Variants in PTPRN2 observed in about 807,000 individuals in gnomAD.
PTPRN2 encodes receptor-type tyrosine-protein phosphatase N2.
Under a neutral mutation model 118.8 loss-of-function variants are expected in PTPRN2, and 74 were observed. The ratio of observed to expected loss-of-function variants is 0.62; its 90% CI spans 0.52 to 0.76. PTPRN2 has a LOEUF of 0.76. Ranked by LOEUF, PTPRN2 falls within the 30% of genes least tolerant of loss-of-function variation. PTPRN2 has a pLI of 0.00. For synonymous variants in PTPRN2, 641 were observed against 608.0 expected (o/e 1.05, Z -0.80); for missense variants, 1,481 against 1,394.4 (o/e 1.06, Z -0.99).
chr7:158,332,894 A>G (rs1453623569), intron 2 of PTPRN2, among the ~76,000 whole-genome samples: 435 of 99,418 alleles, frequency 4.4e-3, no homozygotes, highest in Middle Eastern at 0.039. Context: ...GACACCTGCA[A>G]ACGTCACTCA....
intron 6 of PTPRN2, among the ~76,000 whole-genome samples, chr7:158,162,626 A>G (rs1317350183): frequency 1.6e-5 from 1 of 62,456 alleles, no homozygotes; most frequent in African/African-American, 4.5e-5. Flanking sequence ...ATGAGCCCCA[A>G]ATTCCTTCAC....
intron 11 of PTPRN2, among the ~76,000 whole-genome samples, chr7:157,907,839 G>T (rs1584995675): frequency 6.6e-6 from 1 of 152,228 alleles, no homozygotes; most frequent in Admixed American, 6.5e-5. Context: ...TCTGTTCACT[G>T]ATCAGAGCCA....
At chr7:158,071,122 CGTG>C (rs1314002743) in intron 11 of PTPRN2, among the ~76,000 whole-genome samples, 1 of 41,354 alleles carries the variant, frequency 2.4e-5, no homozygotes. Context: ...TGGAGGTGCC[CGTG>C]GTGGTGGAGG....
rs1231139031 is a variant in PTPRN2 at position 157,598,889 on chromosome 7, G to T, written c.2419-3574C>A. On this transcript the variant is annotated intron_variant, in intron 16 of 22. Coordinates refer to ENST00000389418, the MANE Select transcript of PTPRN2 (RefSeq NM_002847.5). This position sits in a 1 kb window ranked among gnomAD's most constrained non-coding sequence, Gnocchi z 5.2. The stretch of plus-strand genomic sequence containing the variant: ...GCTTTCTCCCCAGACAGGGGCTTCT[G>T]CAGCAACACATCCCGCCTAGAGAGG... 1.3e-5 allele frequency among the ~76,000 whole-genome samples: 2 copies of T among 152,214 alleles called. No individual in the cohort carries two copies. The highest frequency in any genetic ancestry group is 2.9e-5 in the Non-Finnish European group (2 of 68,048).
chr7:158,473,779 AAC>A (rs1056913593), intron 2 of PTPRN2, among the ~76,000 whole-genome samples: 1 of 118,764 alleles, frequency 8.4e-6, no homozygotes, highest in African/African-American at 3.1e-5. Flanking sequence ...GGGGGAAAAA[AAC>A]ATTTTAAACA....
At position 157,931,499 on chromosome 7, in the gene PTPRN2, T is replaced by G. The variant is rs951209889; in HGVS notation, c.1724-32762A>C. ...GAGTAGGCACTGAAAGAAAAGTGAC[T>G]GAAATGTGAGCTCAATTCTTAATCT... is the stretch of plus-strand genomic sequence containing the variant. On this transcript the variant is annotated intron_variant, in intron 11 of 22. Coordinates refer to ENST00000389418, the MANE Select transcript of PTPRN2 (RefSeq NM_002847.5). Among the ~76,000 whole-genome samples, 16 of 152,304 alleles carry G rather than the reference T, an allele frequency of 1.1e-4. No individual in the cohort carries two copies. The East Asian group carries it at 3.1e-3, about 29-fold the overall frequency.
intron 11 of PTPRN2, among the ~76,000 whole-genome samples, chr7:158,071,529 C>CTCA (rs1811660599): frequency 8.5e-6 from 1 of 117,606 alleles, no homozygotes; most frequent in Non-Finnish European, 1.7e-5. Flanking sequence ...GGTGGAGATG[C>CTCA]TCGTGATGAT....
intron 12 of PTPRN2, among the ~76,000 whole-genome samples, chr7:157,748,068 C>A (rs530567308): frequency 1.6e-5 from 2 of 121,974 alleles, no homozygotes; most frequent in South Asian, 2.7e-4. Flanking sequence ...CTGAGGCCTG[C>A]GTCTCTCAGC....
chr7:157,788,922 G>A (rs1038049454), intron 12 of PTPRN2, among the ~76,000 whole-genome samples: 1 of 152,228 alleles, frequency 6.6e-6, no homozygotes, highest in Non-Finnish European at 1.5e-5. Flanking sequence ...GCTCCCTGGA[G>A]CCATCTCCTT....
intron 2 of PTPRN2, among the ~76,000 whole-genome samples, chr7:158,468,348 G>A (rs1271271603): frequency 6.6e-6 from 1 of 152,190 alleles, no homozygotes; most frequent in Non-Finnish European, 1.5e-5. Flanking sequence ...AGCACAGCTG[G>A]CGTTTCAGGG....
At chr7:158,343,196 C>T (rs781452057) in intron 2 of PTPRN2, among the ~76,000 whole-genome samples, 3 of 152,148 alleles carry the variant, frequency 2.0e-5, no homozygotes, top group Non-Finnish European at 2.9e-5. Flanking sequence ...TAAAGAACCA[C>T]AACTCGACAA....
At chr7:158,172,933 A>C (rs546506330) in intron 5 of PTPRN2, among the ~76,000 whole-genome samples, 1 of 148,960 alleles carries the variant, frequency 6.7e-6, no homozygotes, top group South Asian at 2.1e-4. Context: ...CCCCACCATC[A>C]TCACTTCCAC....
intron 11 of PTPRN2, among the ~76,000 whole-genome samples, chr7:158,060,942 A>T (rs898164803): frequency 1.3e-5 from 2 of 152,278 alleles, no homozygotes; most frequent in African/African-American, 4.8e-5. Context: ...CTGAGCTTTC[A>T]GCGCAGTATT....
chr7:157,936,898 C>A (rs1459221719), intron 11 of PTPRN2, among the ~76,000 whole-genome samples: 4 of 152,234 alleles, frequency 2.6e-5, no homozygotes, highest in Non-Finnish European at 5.9e-5. Context: ...CCTGTCTTTC[C>A]GCCATGGCCA....
intron 2 of PTPRN2, among the ~76,000 whole-genome samples, chr7:158,431,714 TACTGGCTCACACTGGCTCAC>T (rs914733236): frequency 1.5e-5 from 2 of 129,556 alleles, no homozygotes; most frequent in African/African-American, 3.0e-5. Flanking sequence ...ACTGGGCACA[TACTGGCTCACACTGGCTCAC>T]ACTGGCCACA....
chr7:158,453,541 T>G (rs2701771), intron 2 of PTPRN2, among the ~76,000 whole-genome samples: 79,679 of 151,820 alleles, frequency 0.52, 21,169 homozygotes, highest in Non-Finnish European at 0.55. Flanking sequence ...GATGAGATGG[T>G]GTGGAACCAT....
chr7:157,747,331 G>A (rs1214983460), intron 12 of PTPRN2, among the ~76,000 whole-genome samples: 22 of 135,760 alleles, frequency 1.6e-4, no homozygotes, highest in Admixed American at 7.8e-4. Flanking sequence ...TGAGGCCTGC[G>A]TCCCTGAGCT....
rs569074778 is a variant in PTPRN2 at position 157,676,614 on chromosome 7, C to T, written c.2001+6111G>A. Among the ~76,000 whole-genome samples, 21 of 152,352 alleles carry T rather than the reference C, an allele frequency of 1.4e-4. No homozygotes were observed. Among genetic ancestry groups the T allele is most frequent in the African/African-American group, 4.8e-4 (20 of 41,586 alleles). ...CCTCAACACCCTGCAGTGGGGACAG[C>T]GCAGCTGGGGACCGCCCAGTGCAGC... On this transcript the variant is annotated intron_variant, in intron 13 of 22. Transcript: ENST00000389418. The surrounding 1 kb of genome is among the most constrained non-coding windows in gnomAD (Gnocchi z 5.6).
chr7:157,601,808 G>A (rs896187321), intron 16 of PTPRN2, among the ~76,000 whole-genome samples: 3 of 152,196 alleles, frequency 2.0e-5, no homozygotes, highest in Non-Finnish European at 2.9e-5. Flanking sequence ...TGTGAATCAC[G>A]GCTTTATTCC....
Sources: gnomAD v4.1 joint callset for allele counts (sites outside exome capture counted in the v4.1 genomes callset) on GRCh38, gnomAD v4.1.1 for gene constraint, Gnocchi (gnomAD v3.1) non-coding constraint, MANE v1.5 for transcripts, NCBI Gene and HGNC (gene_info 2026-07-23, HGNC 2026-07-21) for gene names.